Variants in TNKS observed in about 807,000 individuals in gnomAD.
TNKS encodes poly [ADP-ribose] polymerase tankyrase-1.
Under a neutral mutation model 135.8 loss-of-function variants are expected in TNKS, and 72 were observed. That is an observed-to-expected ratio of 0.53 (90% CI 0.44 to 0.64). TNKS has a LOEUF of 0.64. TNKS is among the 30% of genes least tolerant of loss of function. The probability of loss-of-function intolerance (pLI) is 0.00; values close to 1 mark genes in which losing one functional copy is unlikely to be tolerated. For missense variants in TNKS, 1,769 were observed against 1,674.0 expected, an observed-to-expected ratio of 1.06 and a Z score of -0.99; for synonymous variants, 849 against 649.3, an observed-to-expected ratio of 1.31 and a Z score of -4.68.
At chr8:9,698,294 A>T (rs1391711443) in intron 5 of TNKS, among the ~76,000 whole-genome samples, 2 of 149,750 alleles carry the variant, frequency 1.3e-5, no homozygotes, top group African/African-American at 4.9e-5. Context: ...ATTGGGTACC[A>T]TGCTCACTAC....
At chr8:9,732,579 T>TAAAAA (rs35951542) in intron 14 of TNKS, among the ~76,000 whole-genome samples, 1 of 129,836 alleles carries the variant, frequency 7.7e-6, no homozygotes, top group Non-Finnish European at 1.7e-5. Context: ...ATCCCAAAAC[T>TAAAAA]AAAAAAAAAA....
intron 11 of TNKS, chr8:9,710,545 G>T (rs1804275648): frequency 4.3e-6 from 2 of 467,102 alleles, no homozygotes; most frequent in Admixed American, 3.7e-5. Context: ...TTGAATAACA[G>T]TTTATCAGAA....
At chr8:9,774,314 T>C (rs1276421042) in intron 26 of TNKS, among the ~76,000 whole-genome samples, 1 of 152,176 alleles carries the variant, frequency 6.6e-6, no homozygotes, top group Non-Finnish European at 1.5e-5. Context: ...ATTTCTAAAA[T>C]GGTTTCCAAA....
rs191570598 is a variant in TNKS, at chr8:9,732,312, A to G, written c.2148-967A>G. 1.2e-3 allele frequency among the ~76,000 whole-genome samples: 187 copies of G among 152,314 alleles called. 1 individual carries two copies. Among genetic ancestry groups the G allele is most frequent in the African/African-American group, 4.4e-3 (182 of 41,568 alleles). ...AGGCAGCTACTTAGAAATGTGAGAA[A>G]GGTATTTTAACTGATATTAATTCCC... On this transcript the variant is annotated intron_variant, in intron 14 of 26. Transcript: ENST00000310430.
chr8:9,706,883 G>T lies in TNKS; in HGVS notation c.1342G>T (p.Val448Leu), dbSNP rs769879937. Residue 448 changes from valine (V) to leucine (L), a missense_variant, in exon 8 of 27, where the codon GTA becomes TTA. Val to Leu is a conservative substitution (Grantham distance 32). This residue lies in a region of TNKS where 523 missense variants were observed against 541.0 expected (regional missense o/e 0.97). Coordinates refer to ENST00000310430, the MANE Select transcript of TNKS (RefSeq NM_003747.3). ...GCACGAGGCTGCTTCCAAGAACCGT[G>T]TAGAAGTCTGCTCTTTGTTACTTAG... ...PLHEAASKNR[V>L]EVCSLLLSHG... 8 of 1,614,008 alleles carry T rather than the reference G, an allele frequency of 5.0e-6. No homozygotes were observed. Among genetic ancestry groups the T allele is most frequent in the African/African-American group, 1.3e-5 (1 of 74,922 alleles).
intron 3 of TNKS, among the ~76,000 whole-genome samples, chr8:9,672,711 C>CAA (rs6150458): frequency 0.055 from 4,668 of 84,812 alleles, 250 homozygotes; most frequent in Non-Finnish European, 0.069. Flanking sequence ...CACACACACA[C>CAA]AAAAAAAAAA....
rs1299721420 is a variant in TNKS, at chr8:9,641,282, AT to A, written c.994+25621del. On this transcript the variant is annotated intron_variant, in intron 3 of 26. Coordinates refer to ENST00000310430, the MANE Select transcript of TNKS (RefSeq NM_003747.3). ...TATATATGCATATGCTCAATTCAGA[AT>A]TTTTTTTTTTTTTTTACCACTTGAC... Among the ~76,000 whole-genome samples the A allele has an allele frequency of 4.8e-3, 645 of 133,468 alleles. 4 individuals are homozygous for A. Among genetic ancestry groups the A allele is most frequent in the South Asian group, 0.012 (50 of 4,116 alleles). 87.6% of individuals were successfully genotyped at this position (133,468 alleles called of 152,430 possible).
At chr8:9,621,509 T>C (rs2128767727) in intron 3 of TNKS, among the ~76,000 whole-genome samples, 1 of 152,340 alleles carries the variant, frequency 6.6e-6, no homozygotes, top group Middle Eastern at 3.4e-3. Context: ...TTTCACTATG[T>C]TGGTCAGGCT....
chr8:9,615,387 T>G (rs940543060), intron 2 of TNKS, 195 bp from the exon 3 acceptor site: 4 of 453,292 alleles, frequency 8.8e-6, no homozygotes, highest in Middle Eastern at 5.6e-4. Flanking sequence ...TATTGTACCA[T>G]AAGTTGCCAA....
chr8:9,713,436 C>T (rs1804432955), intron 11 of TNKS, among the ~76,000 whole-genome samples: 1 of 152,148 alleles, frequency 6.6e-6, no homozygotes, highest in African/African-American at 2.4e-5. Flanking sequence ...TGGAAAATAA[C>T]ATTATGACTT....
At chr8:9,640,023 C>T (rs755983509) in intron 3 of TNKS, among the ~76,000 whole-genome samples, 2 of 152,142 alleles carry the variant, frequency 1.3e-5, no homozygotes, top group Admixed American at 6.6e-5. Flanking sequence ...TATGTGTGAA[C>T]TCTTTAGCTA....
chr8:9,724,187 C>T (rs753528914), intron 12 of TNKS, among the ~76,000 whole-genome samples: 4 of 152,134 alleles, frequency 2.6e-5, no homozygotes, highest in South Asian at 2.1e-4. Context: ...TGGTTGCTCA[C>T]GCCTATAATC....
intron 12 of TNKS, among the ~76,000 whole-genome samples, chr8:9,722,191 A>G (rs1282834882): frequency 1.3e-5 from 2 of 152,166 alleles, no homozygotes; most frequent in Non-Finnish European, 2.9e-5. Flanking sequence ...AAGACAAAAC[A>G]TGACCCCACA....
intron 1 of TNKS, among the ~76,000 whole-genome samples, chr8:9,566,770 G>T (rs975311238): frequency 1.3e-5 from 2 of 151,124 alleles, no homozygotes; most frequent in African/African-American, 4.9e-5. Context: ...CACCGCGCCC[G>T]GCTAATTTTT....
chr8:9,555,976 C>T lies in TNKS; in HGVS notation c.37C>T (p.His13Tyr). The change falls in exon 1 of 27, where the codon CAT becomes TAT. Residue 13 changes from histidine (H) to tyrosine (Y), a missense_variant. Transcript: ENST00000310430. Reference protein sequence around the residue: ...ASRRSQHHHHHHQQQLQPAPG... With the variant: ...ASRRSQHHHHYHQQQLQPAPG... ...GCGTCGCTCTCAGCATCATCACCAC[C>T]ATCATCAACAACAGCTCCAGCCCGC... 6.2e-7 allele frequency: 1 copy of T among 1,613,566 alleles called. No homozygotes were observed. The highest frequency in any genetic ancestry group is 8.5e-7 in the Non-Finnish European group (1 of 1,179,890).
rs1027348458 is a variant in TNKS at position 9,779,599 on chromosome 8, T to A, written c.*2863T>A. ...CCTGTATTTGACCTCCTTCCCTCTT[T>A]CCTAAATTACTAGTCTGGAATTAAA... On this transcript the variant is annotated 3_prime_UTR_variant, in exon 27 of 27. Coordinates refer to ENST00000310430, the MANE Select transcript of TNKS (RefSeq NM_003747.3). 3.9e-5 allele frequency: 6 copies of A among 152,124 alleles called. No homozygotes were observed. The highest frequency in any genetic ancestry group is 1.4e-4 in the African/African-American group (6 of 41,420). The allele number at this position is 152,124 out of a possible 1,614,324, so 9.4% of individuals were successfully genotyped here.
At chr8:9,740,745 A>G (rs1563202124) in intron 17 of TNKS, among the ~76,000 whole-genome samples, 1 of 152,022 alleles carries the variant, frequency 6.6e-6, no homozygotes. Context: ...TCTCTGAGCA[A>G]CAAATACTTC....
At chr8:9,653,050 A>G (rs192185434) in intron 3 of TNKS, among the ~76,000 whole-genome samples, 1 of 152,296 alleles carries the variant, frequency 6.6e-6, no homozygotes, top group East Asian at 1.9e-4. Flanking sequence ...GGTTTCATGC[A>G]GTTTCCATGG....
chr8:9,630,178 G>T (rs2128771292), intron 3 of TNKS, among the ~76,000 whole-genome samples: 1 of 152,152 alleles, frequency 6.6e-6, no homozygotes, highest in South Asian at 2.1e-4. Flanking sequence ...CTGACTTTCA[G>T]TACTGGCTTC....
Sources: gnomAD v4.1 joint callset for allele counts (sites outside exome capture counted in the v4.1 genomes callset) on GRCh38, gnomAD v4.1.1 for gene constraint, gnomAD v4.1.1 regional missense constraint, MANE v1.5 for transcripts, NCBI Gene and HGNC (gene_info 2026-07-23, HGNC 2026-07-21) for gene names.